Variants in CSMD3 observed in about 807,000 individuals in gnomAD.
The protein encoded by CSMD3 is CUB and sushi domain-containing protein 3.
Under a neutral mutation model 435.2 loss-of-function variants are expected in CSMD3, and 177 were observed. That is an observed-to-expected ratio of 0.41 (90% confidence interval 0.36 to 0.46). The LOEUF (loss-of-function observed/expected upper bound fraction) is 0.46, where lower values mean the gene tolerates loss of function less well. CSMD3 is among the 20% of genes least tolerant of loss of function. The probability of loss-of-function intolerance (pLI) is 0.34; values close to 1 mark genes in which losing one functional copy is unlikely to be tolerated. For missense variants in CSMD3, 4,265 were observed against 4,504.6 expected (o/e 0.95, Z 1.52); for synonymous variants, 1,656 against 1,520.5 (o/e 1.09, Z -2.07).
At chr8:113,064,053 A>G (rs1472891401) in intron 5 of CSMD3, among the ~76,000 whole-genome samples, 1 of 151,608 alleles carries the variant, frequency 6.6e-6, no homozygotes, top group Non-Finnish European at 1.5e-5. Flanking sequence ...CCTAAAATTC[A>G]TTGCTTAAAC....
At chr8:112,487,175 T>A (rs553888739) in intron 31 of CSMD3, among the ~76,000 whole-genome samples, 12 of 152,304 alleles carry the variant, frequency 7.9e-5, no homozygotes, top group African/African-American at 2.9e-4. Flanking sequence ...GGGCTTTACA[T>A]ACATCAAATA....
At chr8:112,981,080 G>C (rs1188813346) in intron 6 of CSMD3, among the ~76,000 whole-genome samples, 1 of 151,358 alleles carries the variant, frequency 6.6e-6, no homozygotes, top group Non-Finnish European at 1.5e-5. Flanking sequence ...TATCTACATT[G>C]ATCTTATAAA....
At chr8:112,595,073 C>T (rs913572688) in intron 22 of CSMD3, among the ~76,000 whole-genome samples, 17 of 151,240 alleles carry the variant, frequency 1.1e-4, no homozygotes, top group Admixed American at 2.6e-4. Flanking sequence ...CTCTGAGCTA[C>T]GGGAGGACAT....
At chr8:112,968,401 A>G (rs143271876) in intron 7 of CSMD3, among the ~76,000 whole-genome samples, 2 of 151,890 alleles carry the variant, frequency 1.3e-5, no homozygotes, top group African/African-American at 4.8e-5. Flanking sequence ...CACATTGTCC[A>G]TTACAACCTA....
At chr8:112,951,629 A>C (rs1160242912) in intron 8 of CSMD3, among the ~76,000 whole-genome samples, 2 of 151,760 alleles carry the variant, frequency 1.3e-5, no homozygotes, top group African/African-American at 4.8e-5. Flanking sequence ...TTATCTCTTA[A>C]CTAATTTAGC....
At chr8:113,412,808 G>GT (rs1371053016) in intron 1 of CSMD3, among the ~76,000 whole-genome samples, 1 of 140,712 alleles carries the variant, frequency 7.1e-6, no homozygotes, top group African/African-American at 2.5e-5. Flanking sequence ...AATGTTACAG[G>GT]TAAAAAAAAA....
intron 68 of CSMD3, among the ~76,000 whole-genome samples, chr8:112,233,785 C>T (rs1586473384): frequency 2.0e-5 from 3 of 152,132 alleles, no homozygotes; most frequent in African/African-American, 7.2e-5. Context: ...ACACTCCACT[C>T]ACATAAATCA....
At chr8:113,127,877 C>A (rs1198716503) in intron 4 of CSMD3, among the ~76,000 whole-genome samples, 1 of 151,994 alleles carries the variant, frequency 6.6e-6, no homozygotes, top group African/African-American at 2.4e-5. Flanking sequence ...CAACTGCAAC[C>A]CAAACACTGT....
At position 113,314,651 on chromosome 8, in the gene CSMD3, A is replaced by C; in HGVS notation, c.321T>G (p.Phe107Leu). The C allele has an allele frequency of 6.2e-7, 1 of 1,611,610 alleles. No individual in the cohort carries two copies. The highest frequency in any genetic ancestry group is 8.5e-7 in the Non-Finnish European group (1 of 1,177,986). ...ATTCTTCTTCTAGAGCAAATGACTGAAAAACAATTTGTATTCTATTTCGTT... is the reference window on the plus strand; with the variant it reads ...ATTCTTCTTCTAGAGCAAATGACTGCAAAACAATTTGTATTCTATTTCGTT... ...AEERNRIQIVFQSFALEEEYD... is the reference protein window; with the variant it reads ...AEERNRIQIVLQSFALEEEYD... The change falls in exon 2 of 71, where the codon TTT becomes TTG. Residue 107 changes from phenylalanine (F) to leucine (L), a missense_variant. Phe to Leu is a conservative substitution (Grantham distance 22). Transcript: ENST00000297405.
At chr8:112,773,587 G>T (rs2078174594) in intron 13 of CSMD3, among the ~76,000 whole-genome samples, 1 of 152,002 alleles carries the variant, frequency 6.6e-6, no homozygotes, top group Non-Finnish European at 1.5e-5. Context: ...AAGGAAGTAA[G>T]AGTGCCCTAA....
chr8:112,916,652 T>C (rs1160308265), intron 10 of CSMD3, among the ~76,000 whole-genome samples: 1 of 151,914 alleles, frequency 6.6e-6, no homozygotes, highest in Non-Finnish European at 1.5e-5. Flanking sequence ...GCTATATGCA[T>C]TTCTGGCTGA....
intron 37 of CSMD3, among the ~76,000 whole-genome samples, chr8:112,381,173 T>C (rs778994619): frequency 7.0e-6 from 1 of 143,706 alleles, no homozygotes; most frequent in Non-Finnish European, 1.6e-5. Context: ...AGATAGATTA[T>C]TCTATACCAG....
intron 13 of CSMD3, among the ~76,000 whole-genome samples, chr8:112,713,281 G>A (rs766927891): frequency 1.1e-4 from 16 of 151,872 alleles, no homozygotes; most frequent in South Asian, 2.1e-4. Context: ...ATCAATAGCC[G>A]AATTGATTAA....
chr8:112,892,533 GT>G (rs2081827364), intron 10 of CSMD3, among the ~76,000 whole-genome samples: 1 of 151,496 alleles, frequency 6.6e-6, no homozygotes, highest in Non-Finnish European at 1.5e-5. Flanking sequence ...AATACAGGTA[GT>G]TTTTTAAAAG....
At chr8:112,532,870 A>G (rs1825671222) in intron 27 of CSMD3, among the ~76,000 whole-genome samples, 1 of 152,142 alleles carries the variant, frequency 6.6e-6, no homozygotes, top group African/African-American at 2.4e-5. Flanking sequence ...CACATCTATC[A>G]AAAATAACAA....
intron 11 of CSMD3, among the ~76,000 whole-genome samples, chr8:112,846,640 C>G (rs2080329769): frequency 6.6e-6 from 1 of 151,828 alleles, no homozygotes; most frequent in Admixed American, 6.6e-5. Context: ...AAATTCCTGG[C>G]CTCAAGTGAT....
intron 3 of CSMD3, among the ~76,000 whole-genome samples, chr8:113,216,468 C>A (rs2092907205): frequency 6.6e-6 from 1 of 151,822 alleles, no homozygotes; most frequent in Admixed American, 6.6e-5. Flanking sequence ...AATTCTATTT[C>A]ATTGTATTTT....
At chr8:112,580,365 G>A (rs1033619910) in intron 23 of CSMD3, among the ~76,000 whole-genome samples, 3 of 151,890 alleles carry the variant, frequency 2.0e-5, no homozygotes, top group East Asian at 3.9e-4. Flanking sequence ...TGAGTTAAGC[G>A]GAGAACAAAT....
At chr8:113,355,720 T>TATA (rs1563737793) in intron 1 of CSMD3, among the ~76,000 whole-genome samples, 835 of 72,322 alleles carry the variant, frequency 0.012, 57 homozygotes, top group African/African-American at 0.038. Context: ...AAAGTTTTAT[T>TATA]TTTATATATA....
Sources: allele counts gnomAD v4.1 joint callset (sites outside exome capture counted in the v4.1 genomes callset), GRCh38; gene constraint gnomAD v4.1.1; transcripts MANE v1.5; gene names NCBI Gene and HGNC (gene_info 2026-07-23, HGNC 2026-07-21).